The following RNF111 variants were observed in gnomAD, a reference collection of about 807,000 sequenced individuals.
RNF111 encodes ring finger protein 111.
RNF111 carries 17 observed loss-of-function variants against 95.1 expected under a neutral mutation model. The ratio of observed to expected loss-of-function variants is 0.18; its 90% CI spans 0.12 to 0.27. The LOEUF is 0.27. RNF111 is among the 10% of genes least tolerant of loss of function. The pLI is 1.00. For missense variants in RNF111, 1,189 were observed against 1,210.4 expected, an observed-to-expected ratio of 0.98 and a Z score of 0.26; for synonymous variants, 440 against 414.8, an observed-to-expected ratio of 1.06 and a Z score of -0.74.
intron 2 of RNF111, among the ~76,000 whole-genome samples, chr15:59,033,595 G>A (rs2041021082): frequency 6.6e-6 from 1 of 152,200 alleles, no homozygotes; most frequent in Non-Finnish European, 1.5e-5. Context: ...TGTGCTCGAA[G>A]TCAGTGAGAC....
chr15:59,030,183 C>G (rs1596136099), intron 1 of RNF111, among the ~76,000 whole-genome samples: 1 of 152,146 alleles, frequency 6.6e-6, no homozygotes, highest in East Asian at 1.9e-4. Context: ...AGTCTTGGCT[C>G]TAATCTTTTT....
chr15:59,028,044 C>T (rs558620700), intron 1 of RNF111, among the ~76,000 whole-genome samples: 76 of 152,236 alleles, frequency 5.0e-4, no homozygotes, highest in African/African-American at 1.8e-3. Flanking sequence ...CCAGGCTGGC[C>T]TCGAACTCCT....
intron 6 of RNF111, among the ~76,000 whole-genome samples, chr15:59,070,680 C>T (rs1244943527): frequency 6.6e-6 from 1 of 152,086 alleles, no homozygotes; most frequent in Non-Finnish European, 1.5e-5. Flanking sequence ...AAGAAAGGAG[C>T]TCCTCCTTTT....
At chr15:59,056,508 A>G (rs1232631079) in intron 4 of RNF111, among the ~76,000 whole-genome samples, 1 of 152,220 alleles carries the variant, frequency 6.6e-6, no homozygotes, top group African/African-American at 2.4e-5. Context: ...CCCAAAAGGA[A>G]AATGGTAAGC....
intron 7 of RNF111, among the ~76,000 whole-genome samples, chr15:59,078,924 A>G (rs1160756667): frequency 2.0e-5 from 3 of 152,192 alleles, no homozygotes; most frequent in African/African-American, 4.8e-5. Context: ...TCATAAAGCA[A>G]ATGGTCTACA....
rs2079187780 is a variant in RNF111, at chr15:59,097,262, CT to C, written c.*2366del. 1 of 152,182 alleles carries C rather than the reference CT, an allele frequency of 6.6e-6. No homozygotes were observed. The highest frequency in any genetic ancestry group is 1.5e-5 in the Non-Finnish European group (1 of 68,024). 9.4% of individuals were successfully genotyped at this position (152,182 alleles called of 1,614,324 possible). ...GTCCAAATACATAAAAACTAAAATTCTTTTGTTAGCAAGTCCTTATTTTTAT... is the reference window on the plus strand; with the variant it reads ...GTCCAAATACATAAAAACTAAAATTCTTTGTTAGCAAGTCCTTATTTTTAT... On this transcript the variant is annotated 3_prime_UTR_variant, in exon 14 of 14. Coordinates refer to ENST00000348370, the MANE Select transcript of RNF111 (RefSeq NM_017610.8).
rs2043158362 is a variant in RNF111 at position 59,076,184 on chromosome 15, C to T, written c.1917C>T (p.Leu639=). ...CCCAGCCCCCTCCACAGCCCTCTCTCTCATCATGTCGACATTACATGCCAC... is the reference window on the plus strand; with the variant it reads ...CCCAGCCCCCTCCACAGCCCTCTCTTTCATCATGTCGACATTACATGCCAC... The part of the protein sequence containing the change: ...PQPQPPPQPS[L]SSCRHYMPPP... The change falls in exon 7 of 14, where the codon CTC becomes CTT. Residue 639 remains leucine, a synonymous_variant. Coordinates refer to ENST00000348370, the MANE Select transcript of RNF111 (RefSeq NM_017610.8). The T allele has an allele frequency of 3.7e-6, 6 of 1,613,656 alleles. No individual in the cohort carries two copies. The South Asian group carries it at 4.4e-5, about 12-fold the overall frequency.
Position 58,989,886 on chromosome 15 carries a change from G to T in RNF111, c.-20+1818G>T, listed in dbSNP as rs12593271. On this transcript the variant is annotated intron_variant, in intron 1 of 13. Transcript: ENST00000348370. ...TAGATGTTTCCTTCTTTTTTTTTTT[G>T]TTATAGTTTAAAGAGAGGTTTCTGT... is the stretch of plus-strand genomic sequence containing the variant. Among the ~76,000 whole-genome samples, 147 of 145,634 alleles carry T rather than the reference G, an allele frequency of 1.0e-3. 2 individuals are homozygous for T. The East Asian group carries it at 0.021, about 21-fold the overall frequency.
At chr15:59,094,249 G>C (rs2079134941) in intron 13 of RNF111, among the ~76,000 whole-genome samples, 1 of 152,140 alleles carries the variant, frequency 6.6e-6, no homozygotes, top group Non-Finnish European at 1.5e-5. Flanking sequence ...TAAGTTTAAT[G>C]TGTAAAGATA....
At chr15:59,055,619 G>GT in intron 3 of RNF111, 63 bp from the exon 4 acceptor site, 1 of 1,278,406 alleles carries the variant, frequency 7.8e-7, no homozygotes, top group Non-Finnish European at 1.1e-6. Flanking sequence ...AGGCTTATGG[G>GT]TTTTTGTGGT....
rs775694300 is a variant in RNF111 at position 59,031,006 on chromosome 15, A to G, written c.184A>G (p.Asn62Asp). The G allele has an allele frequency of 1.9e-6, 3 of 1,614,236 alleles. No individual in the cohort carries two copies. Among genetic ancestry groups the G allele is most frequent in the Non-Finnish European group, 1.7e-6 (2 of 1,180,040 alleles). ...GVEMINSKVG[N>D]EFSHLCDDSQ... ...TGAGATGATTAATAGTAAAGTGGGGAATGAATTCTCTCACCTGTGTGATGA... is the reference window on the plus strand; with the variant it reads ...TGAGATGATTAATAGTAAAGTGGGGGATGAATTCTCTCACCTGTGTGATGA... The change falls in exon 2 of 14, where the codon AAT becomes GAT. Residue 62 changes from asparagine to aspartate, a missense_variant. Physicochemically the swap from Asn to Asp is conservative, Grantham distance 23. This residue lies in a region of RNF111 where 1,024 missense variants were observed against 925.9 expected (regional missense o/e 1.11). Transcript: ENST00000348370.
At chr15:59,016,068 C>T (rs1269480563) in intron 1 of RNF111, among the ~76,000 whole-genome samples, 1 of 151,794 alleles carries the variant, frequency 6.6e-6, no homozygotes, top group Admixed American at 6.6e-5. Context: ...GACCTCCTAG[C>T]TCAAGCAGTC....
chr15:59,005,222 C>T (rs1486869385), intron 1 of RNF111, among the ~76,000 whole-genome samples: 1 of 152,172 alleles, frequency 6.6e-6, no homozygotes. Flanking sequence ...GAGACAGTCT[C>T]ACCTATGTTG....
intron 1 of RNF111, among the ~76,000 whole-genome samples, chr15:58,996,093 T>TC (rs1311864693): frequency 2.0e-5 from 3 of 152,164 alleles, no homozygotes; most frequent in African/African-American, 7.2e-5. Flanking sequence ...CTTTTCTTTT[T>TC]CAAATACATA....
chr15:59,044,288 C>T (rs952030745), intron 2 of RNF111, among the ~76,000 whole-genome samples: 3 of 152,168 alleles, frequency 2.0e-5, no homozygotes, highest in African/African-American at 7.2e-5. Context: ...GCCTTGGCCT[C>T]CCAAAGTGCT....
intron 1 of RNF111, among the ~76,000 whole-genome samples, chr15:59,007,052 C>T (rs2039573881): frequency 6.6e-6 from 1 of 152,194 alleles, no homozygotes; most frequent in Admixed American, 6.5e-5. Context: ...TCTTGAAGTG[C>T]TGGAATTCCA....
chr15:59,094,918 C>T lies in RNF111; in HGVS notation c.*18C>T, dbSNP rs752526355. The T allele has an allele frequency of 7.3e-7, 1 of 1,379,024 alleles. No individual in the cohort carries two copies. Among genetic ancestry groups the T allele is most frequent in the Non-Finnish European group, 1.0e-6 (1 of 965,680 alleles). The allele number at this position is 1,379,024 out of a possible 1,614,324, so 85.4% of individuals were successfully genotyped here. A position where few individuals can be genotyped will look rare whatever the true frequency, so the allele number is the denominator to read the frequency against. The stretch of plus-strand genomic sequence containing the variant: ...AAAGTTGACACCATGTTTCAGAACT[C>T]TTGCCCTCCCTCTCATTCCCATCCT... On this transcript the variant is annotated 3_prime_UTR_variant, in exon 14 of 14. Coordinates refer to ENST00000348370, the MANE Select transcript of RNF111 (RefSeq NM_017610.8).
At chr15:59,017,753 CTTTTTTTT>C (rs200975904) in intron 1 of RNF111, among the ~76,000 whole-genome samples, 34,164 of 121,086 alleles carry the variant, frequency 0.28, 4,442 homozygotes, top group East Asian at 0.42. Flanking sequence ...TTGTTGAACT[CTTTTTTTT>C]TTTTTTTTTT....
At chr15:59,064,465 G>A (rs1370959899) in intron 5 of RNF111, among the ~76,000 whole-genome samples, 6 of 148,864 alleles carry the variant, frequency 4.0e-5, no homozygotes, top group Non-Finnish European at 7.4e-5. Flanking sequence ...GAACCCGGGA[G>A]GCAGAGCTTG....
Sources: gnomAD v4.1 joint callset for allele counts (sites outside exome capture counted in the v4.1 genomes callset) on GRCh38, gnomAD v4.1.1 for gene constraint, gnomAD v4.1.1 regional missense constraint, MANE v1.5 for transcripts, NCBI Gene and HGNC (gene_info 2026-07-23, HGNC 2026-07-21) for gene names.